Variants in EVA1C observed in about 807,000 individuals in gnomAD.
EVA1C encodes the protein protein eva-1 homolog C.
A neutral mutation model predicts 45.4 loss-of-function variants in EVA1C; 25 were observed. That is an observed-to-expected ratio of 0.55 (90% CI 0.40 to 0.77). The LOEUF (loss-of-function observed/expected upper bound fraction) is 0.77. Ranked by LOEUF, EVA1C falls within the 30% of genes least tolerant of loss-of-function variation. The probability of loss-of-function intolerance (pLI) is 0.00; values close to 1 mark genes in which losing one functional copy is unlikely to be tolerated. For missense variants in EVA1C, 479 were observed against 554.8 expected (o/e 0.86, Z 1.37); for synonymous variants, 190 against 221.2 (o/e 0.86, Z 1.25).
intron 1 of EVA1C, among the ~76,000 whole-genome samples, chr21:32,427,619 A>T (rs956497338): frequency 6.6e-6 from 1 of 152,086 alleles, no homozygotes; most frequent in African/African-American, 2.4e-5. Context: ...AGGCTGAGGC[A>T]GGAGAATCGC....
At chr21:32,441,028 GA>G (rs749494233) in intron 1 of EVA1C, among the ~76,000 whole-genome samples, 1 of 152,228 alleles carries the variant, frequency 6.6e-6, no homozygotes, top group Non-Finnish European at 1.5e-5. Flanking sequence ...CTTGAGTCCA[GA>G]AGGTAGAGGT....
At chr21:32,439,769 C>T (rs2035105733) in intron 1 of EVA1C, among the ~76,000 whole-genome samples, 1 of 152,072 alleles carries the variant, frequency 6.6e-6, no homozygotes, top group African/African-American at 2.4e-5. Context: ...TAAACCTGTC[C>T]TGCTCCTAAA....
intron 7 of EVA1C, among the ~76,000 whole-genome samples, chr21:32,505,568 G>A (rs2037698850): frequency 6.6e-6 from 1 of 152,134 alleles, no homozygotes; most frequent in African/African-American, 2.4e-5. Context: ...AACTGCCTTA[G>A]CCAGCCCAGC....
intron 1 of EVA1C, among the ~76,000 whole-genome samples, chr21:32,440,251 A>G (rs754696024): frequency 5.3e-5 from 8 of 152,240 alleles, no homozygotes; most frequent in Non-Finnish European, 7.3e-5. Context: ...AAGTTATCAA[A>G]TGCACTGTGA....
At chr21:32,414,135 C>T (rs972817078) in intron 1 of EVA1C, among the ~76,000 whole-genome samples, 2 of 152,198 alleles carry the variant, frequency 1.3e-5, no homozygotes, top group African/African-American at 4.8e-5. Flanking sequence ...GTCAGAGGTT[C>T]TTTGCTTTGA....
chr21:32,434,313 C>T (rs1044475392), intron 1 of EVA1C, among the ~76,000 whole-genome samples: 12 of 123,538 alleles, frequency 9.7e-5, no homozygotes, highest in Admixed American at 4.2e-4. Flanking sequence ...ATAAATAGGC[C>T]GGGCGTGGTG....
intron 4 of EVA1C, among the ~76,000 whole-genome samples, chr21:32,476,331 G>A (rs1460210175): frequency 6.6e-6 from 1 of 151,958 alleles, no homozygotes; most frequent in African/African-American, 2.4e-5. Context: ...TTGATTCTGT[G>A]TATGTCATAT....
chr21:32,478,565 A>G (rs2036666315), intron 4 of EVA1C, among the ~76,000 whole-genome samples: 2 of 152,236 alleles, frequency 1.3e-5, no homozygotes, highest in Non-Finnish European at 2.9e-5. Flanking sequence ...CTTTTCTGAA[A>G]GATCTTACAG....
At chr21:32,429,194 C>T (rs9984760) in intron 1 of EVA1C, among the ~76,000 whole-genome samples, 4,888 of 152,178 alleles carry the variant, frequency 0.032, 112 homozygotes, top group Middle Eastern at 0.071. Context: ...GCACCCACCA[C>T]AAAGCACAGC....
rs575539700 is a variant in EVA1C, at chr21:32,483,290, G to A, written c.635-11737G>A. On this transcript the variant is annotated intron_variant, in intron 4 of 7. Transcript: ENST00000300255. Reference sequence around the variant, plus strand: ...AATGTGGGTGGCCTGTCTGGCGCCCGAATGTGCAGCAGTGACTATTCCTGC... The same window carrying A: ...AATGTGGGTGGCCTGTCTGGCGCCCAAATGTGCAGCAGTGACTATTCCTGC... Among the ~76,000 whole-genome samples the A allele has an allele frequency of 1.8e-4, 27 of 152,258 alleles. 1 individual carries two copies. In the Middle Eastern group the frequency reaches 0.017, roughly 96 times the overall value.
chr21:32,432,181 GTTC>G (rs1188107866), intron 1 of EVA1C, among the ~76,000 whole-genome samples: 1 of 151,892 alleles, frequency 6.6e-6, no homozygotes, highest in Non-Finnish European at 1.5e-5. Flanking sequence ...ATGGTATCAT[GTTC>G]TTCTCTGTGC....
intron 1 of EVA1C, among the ~76,000 whole-genome samples, chr21:32,438,442 A>C (rs1202589036): frequency 7.4e-6 from 1 of 135,846 alleles, no homozygotes; most frequent in Non-Finnish European, 1.5e-5. Flanking sequence ...GGTTGCAATC[A>C]TGCCACTGCA....
chr21:32,480,040 A>T (rs909247300), intron 4 of EVA1C, among the ~76,000 whole-genome samples: 1 of 152,174 alleles, frequency 6.6e-6, no homozygotes, highest in African/African-American at 2.4e-5. Context: ...TAACAAAGCA[A>T]CCTACTTCCA....
At chr21:32,500,338 A>T (rs2037488641) in intron 5 of EVA1C, among the ~76,000 whole-genome samples, 1 of 151,638 alleles carries the variant, frequency 6.6e-6, no homozygotes, top group Admixed American at 6.6e-5. Flanking sequence ...TTTAGTAGAG[A>T]TGGGGTTTCG....
intron 1 of EVA1C, among the ~76,000 whole-genome samples, chr21:32,433,501 T>C (rs2034795071): frequency 1.3e-5 from 2 of 150,348 alleles, no homozygotes; most frequent in African/African-American, 4.9e-5. Context: ...CTTTGTTCCC[T>C]CTCCTTATAT....
At chr21:32,414,561 A>G (rs936269497) in intron 1 of EVA1C, among the ~76,000 whole-genome samples, 2 of 152,236 alleles carry the variant, frequency 1.3e-5, no homozygotes, top group Non-Finnish European at 2.9e-5. Flanking sequence ...TTAGGGAAGC[A>G]GTTGCAATAC....
At chr21:32,497,500 G>A (rs1007355588) in intron 5 of EVA1C, among the ~76,000 whole-genome samples, 9 of 152,192 alleles carry the variant, frequency 5.9e-5, no homozygotes, top group Non-Finnish European at 1.2e-4. Context: ...CCATGCTCTT[G>A]TGGGAGAGAA....
At chr21:32,444,238 A>G (rs112633448) in intron 1 of EVA1C, among the ~76,000 whole-genome samples, 193 of 152,256 alleles carry the variant, frequency 1.3e-3, no homozygotes, top group African/African-American at 4.3e-3. Context: ...CTCCAATTCA[A>G]TTCTGACACC....
chr21:32,495,806 C>T (rs1486264892), intron 5 of EVA1C, among the ~76,000 whole-genome samples: 1 of 152,240 alleles, frequency 6.6e-6, no homozygotes, highest in African/African-American at 2.4e-5. Flanking sequence ...TCTGAGGATA[C>T]TGTGGATTTC....
Sources: allele counts gnomAD v4.1 joint callset (sites outside exome capture counted in the v4.1 genomes callset), GRCh38; gene constraint gnomAD v4.1.1; transcripts MANE v1.5; gene names NCBI Gene and HGNC (gene_info 2026-07-23, HGNC 2026-07-21).